Variants in GLI3 observed in about 807,000 individuals in gnomAD.
GLI3 encodes the protein transcription activator GLI3.
In GLI3, 20 loss-of-function variants were observed where a neutral mutation model predicts 100.8. The observed-to-expected ratio is 0.20, with a 90% CI of 0.14 to 0.29. The LOEUF is 0.29. GLI3 is among the 10% of genes least tolerant of loss of function. The pLI is 1.00. For missense variants in GLI3, 2,040 were observed against 2,128.5 expected (o/e 0.96, Z 0.82); for synonymous variants, 938 against 860.5 (o/e 1.09, Z -1.58).
At chr7:42,048,734 G>A in intron 4 of GLI3, 38 bp from the exon 5 acceptor site, 1 of 1,303,200 alleles carries the variant, frequency 7.7e-7, no homozygotes, top group East Asian at 2.3e-5. Flanking sequence ...GGGTATGCAT[G>A]AGACAAATAT....
chr7:42,128,536 A>C (rs1786191989), intron 3 of GLI3, among the ~76,000 whole-genome samples: 1 of 152,234 alleles, frequency 6.6e-6, no homozygotes, highest in Admixed American at 6.5e-5. Flanking sequence ...TTTAGGTAGA[A>C]GTTTAGAATT....
chr7:41,975,283 A>C (rs1787480469), intron 12 of GLI3, among the ~76,000 whole-genome samples: 1 of 152,208 alleles, frequency 6.6e-6, no homozygotes, highest in Non-Finnish European at 1.5e-5. Context: ...TTGGCACATA[A>C]ATAGCTTTAA....
chr7:42,225,514 C>G (rs1183969688), intron 1 of GLI3, among the ~76,000 whole-genome samples: 1 of 152,144 alleles, frequency 6.6e-6, no homozygotes, highest in South Asian at 2.1e-4. Context: ...CGCCCACCAC[C>G]ATGCCCAGCT....
intron 3 of GLI3, among the ~76,000 whole-genome samples, chr7:42,138,842 C>T (rs865923534): frequency 1.2e-4 from 18 of 152,232 alleles, no homozygotes; most frequent in Admixed American, 5.9e-4. Context: ...GACGTAAACA[C>T]CCCGCTTCCT....
chr7:42,158,567 A>G (rs903656337), intron 2 of GLI3, among the ~76,000 whole-genome samples: 1 of 151,442 alleles, frequency 6.6e-6, no homozygotes, highest in Non-Finnish European at 1.5e-5. Context: ...TTAGCTCACT[A>G]CAACCTCTGC....
chr7:42,071,255 A>G (rs1302975592), intron 4 of GLI3, among the ~76,000 whole-genome samples: 1 of 151,780 alleles, frequency 6.6e-6, no homozygotes, highest in Non-Finnish European at 1.5e-5. Flanking sequence ...TTGCTACAGT[A>G]TTTGCTAGAC....
At chr7:42,236,706 C>A (rs928888680) in intron 1 of GLI3, among the ~76,000 whole-genome samples, 1 of 152,214 alleles carries the variant, frequency 6.6e-6, no homozygotes, top group African/African-American at 2.4e-5. Flanking sequence ...CTTCGTCCCC[C>A]CTCCGGGAGG....
At chr7:42,201,751 T>C (rs567920528) in intron 2 of GLI3, among the ~76,000 whole-genome samples, 2 of 152,256 alleles carry the variant, frequency 1.3e-5, no homozygotes, top group Non-Finnish European at 2.9e-5. Flanking sequence ...ATGGTATTTG[T>C]GTATCTAAAC....
chr7:41,997,285 T>C (rs892197386), intron 10 of GLI3, among the ~76,000 whole-genome samples: 3 of 152,186 alleles, frequency 2.0e-5, no homozygotes, highest in African/African-American at 7.2e-5. Flanking sequence ...TTTTTTTTCT[T>C]CTTTAACATT....
At chr7:42,134,137 C>A (rs1786367664) in intron 3 of GLI3, among the ~76,000 whole-genome samples, 1 of 151,404 alleles carries the variant, frequency 6.6e-6, no homozygotes, top group African/African-American at 2.4e-5. Flanking sequence ...AAAAGGAACT[C>A]TAAGGTGGGT....
chr7:42,063,683 T>A (rs948264467), intron 4 of GLI3, among the ~76,000 whole-genome samples: 2 of 152,170 alleles, frequency 1.3e-5, no homozygotes, highest in Admixed American at 6.5e-5. Flanking sequence ...GGGATAGATA[T>A]GTAGTAGGCA....
intron 10 of GLI3, among the ~76,000 whole-genome samples, 161 bp downstream of exon 10, chr7:42,023,307 C>T (rs890436513): frequency 5.3e-5 from 8 of 152,192 alleles, no homozygotes; most frequent in African/African-American, 7.2e-5. Flanking sequence ...GGTCAAGCAC[C>T]GTGGCTCCGA....
intron 3 of GLI3, among the ~76,000 whole-genome samples, chr7:42,081,216 A>C (rs1784990813): frequency 1.3e-5 from 2 of 152,158 alleles, no homozygotes; most frequent in South Asian, 4.1e-4. Context: ...AACTGGTGGA[A>C]TCAATTTTAC....
chr7:42,199,872 A>G (rs986655532), intron 2 of GLI3, among the ~76,000 whole-genome samples: 2 of 152,200 alleles, frequency 1.3e-5, no homozygotes, highest in Non-Finnish European at 2.9e-5. Context: ...CCTGGCCTAC[A>G]TGGTGAAACC....
intron 2 of GLI3, among the ~76,000 whole-genome samples, chr7:42,182,681 TACAC>T (rs1554337004): frequency 7.2e-4 from 41 of 56,656 alleles, no homozygotes; most frequent in South Asian, 2.3e-3. Flanking sequence ...TATATATATA[TACAC>T]ATGTGTGTAT....
At chr7:42,264,055 C>T (rs1789173932) in exon 1 of GLI3, among the ~76,000 whole-genome samples, 1 of 152,186 alleles carries the variant, frequency 6.6e-6, no homozygotes, top group South Asian at 2.1e-4. Context: ...TTGGCTGTCT[C>T]GTCATGGTCA....
At chr7:42,122,714 T>C (rs699500) in intron 3 of GLI3, among the ~76,000 whole-genome samples, 65,605 of 152,104 alleles carry the variant, frequency 0.43, 16,109 homozygotes, top group African/African-American at 0.67. Flanking sequence ...TAAAAGCATG[T>C]GCAAGTCAAG....
intron 3 of GLI3, among the ~76,000 whole-genome samples, chr7:42,114,036 C>A (rs1373606703): frequency 6.6e-6 from 1 of 152,196 alleles, no homozygotes; most frequent in East Asian, 1.9e-4. Context: ...GACATGATCC[C>A]CAGTCATTGG....
chr7:42,123,867 G>A (rs1190473727), intron 3 of GLI3, among the ~76,000 whole-genome samples: 1 of 152,146 alleles, frequency 6.6e-6, no homozygotes, highest in Non-Finnish European at 1.5e-5. Flanking sequence ...TAAAAACACA[G>A]AACCTAAGAT....
Sources: gnomAD v4.1 joint callset for allele counts (sites outside exome capture counted in the v4.1 genomes callset) on GRCh38, gnomAD v4.1.1 for gene constraint, MANE v1.5 for transcripts, NCBI Gene and HGNC (gene_info 2026-07-23, HGNC 2026-07-21) for gene names.